Variants in DIPK1C observed in about 807,000 individuals in gnomAD.
DIPK1C encodes the protein familial non-conventional Alzheimer's dementia.
DIPK1C carries 33 observed loss-of-function variants against 28.0 expected under a neutral mutation model. The observed-to-expected ratio is 1.18, with a 90% CI of 0.89 to 1.58. DIPK1C has a LOEUF of 1.58. DIPK1C is among the 40% of genes most tolerant of loss of function. The pLI is 0.00. For missense variants in DIPK1C, 569 were observed against 568.5 expected (o/e 1.00, Z -0.01); for synonymous variants, 255 against 248.8 (o/e 1.02, Z -0.23).
At chr18:74,457,828 AGTCGGGG>A (rs1986554752), upstream of DIPK1C, 1 of 150,156 alleles carries the variant, frequency 6.7e-6, no homozygotes, top group African/African-American at 2.4e-5. Flanking sequence ...GCATGCAGAG[AGTCGGGG>A]GTCGAGGACA....
intron 3 of DIPK1C, 125 bp downstream of exon 3, chr18:74,441,827 C>T (rs954348404): frequency 2.9e-5 from 32 of 1,089,872 alleles, no homozygotes; most frequent in Non-Finnish European, 3.9e-5. Context: ...TTATTGACCA[C>T]ATCGATCCAG....
chr18:74,459,529 G>C (rs12606667), upstream of DIPK1C, among the ~76,000 whole-genome samples: 1 of 152,172 alleles, frequency 6.6e-6, no homozygotes, highest in African/African-American at 2.4e-5. Context: ...GTTTTGCCTA[G>C]GGCCCTGAAG....
At chr18:74,450,439 C>T (rs1986373036) in intron 1 of DIPK1C, among the ~76,000 whole-genome samples, 1 of 152,170 alleles carries the variant, frequency 6.6e-6, no homozygotes, top group South Asian at 2.1e-4. Flanking sequence ...CTTCAGAGTC[C>T]CACAGTGCTG....
chr18:74,444,043 T>C (rs1427466761), intron 2 of DIPK1C, among the ~76,000 whole-genome samples: 1 of 150,258 alleles, frequency 6.7e-6, no homozygotes, highest in African/African-American at 2.4e-5. Flanking sequence ...ATAAGAACAG[T>C]ATTAAAAAAA....
rs1599039307 is a variant in DIPK1C at position 74,447,582 on chromosome 18, G to A, written c.199-299C>T. Among the ~76,000 whole-genome samples, 1 of 152,194 alleles carries A rather than the reference G, an allele frequency of 6.6e-6. No homozygotes were observed. Among genetic ancestry groups the A allele is most frequent in the South Asian group, 2.1e-4 (1 of 4,826 alleles). Reference sequence around the variant, plus strand: ...TCCCATCGTTCAGCTGGGTGACTCCGGGAAAGCCAGAGGCCAGGAAACCAA... The same window carrying A: ...TCCCATCGTTCAGCTGGGTGACTCCAGGAAAGCCAGAGGCCAGGAAACCAA... On this transcript the variant is annotated intron_variant, in intron 1 of 3. Transcript: ENST00000343998. This position sits in a 1 kb window ranked among gnomAD's most constrained non-coding sequence, Gnocchi z 4.1.
At chr18:74,458,718 C>T (rs1267357928), upstream of DIPK1C, among the ~76,000 whole-genome samples, 1 of 149,212 alleles carries the variant, frequency 6.7e-6, no homozygotes, top group Non-Finnish European at 1.5e-5. Context: ...TCCATCCCAG[C>T]ACACGCCCAA....
chr18:74,445,632 C>G (rs1382209702), intron 2 of DIPK1C, among the ~76,000 whole-genome samples: 1 of 152,178 alleles, frequency 6.6e-6, no homozygotes, highest in African/African-American at 2.4e-5. Flanking sequence ...CTGAAGAGCA[C>G]GACCCCACCA....
intron 2 of DIPK1C, among the ~76,000 whole-genome samples, chr18:74,446,307 G>A (rs748376669): frequency 6.6e-6 from 1 of 152,210 alleles, no homozygotes; most frequent in Non-Finnish European, 1.5e-5. Context: ...TGTTACGTGA[G>A]CTCAAAGCAG....
At chr18:74,449,475 C>A (rs146996844) in intron 1 of DIPK1C, among the ~76,000 whole-genome samples, 1 of 152,236 alleles carries the variant, frequency 6.6e-6, no homozygotes, top group Admixed American at 6.5e-5. Context: ...AAAGAGGTAT[C>A]TAGATATTTT....
Position 74,436,435 on chromosome 18 carries a change from C to T in DIPK1C, c.*66G>A. ...CAGGGGAAATGGCTCATCTTTAAAA[C>T]AATGGCAGAAGAAATCCAGCCAAGG... On this transcript the variant is annotated 3_prime_UTR_variant, in exon 4 of 4. Transcript: ENST00000343998. 2.1e-6 allele frequency: 3 copies of T among 1,450,184 alleles called. No individual in the cohort carries two copies. The highest frequency in any genetic ancestry group is 2.8e-6 in the Non-Finnish European group (3 of 1,078,332). 89.8% of individuals were successfully genotyped at this position (1,450,184 alleles called of 1,614,324 possible). A position where few individuals can be genotyped will look rare whatever the true frequency, so the allele number is the denominator to read the frequency against.
rs1237355797 is a variant in DIPK1C, at chr18:74,436,517, T to C, written c.1244A>G (p.Gln415Arg). ...AGAGAGTGGCTACTTCTCTGCCTCC[T>C]GCAGCTCCCTCAGTGTGGCTTGGAG... ...QLLQATLREL[Q>R]EAEK Residue 415 changes from glutamine to arginine, a missense_variant, in exon 4 of 4, where the codon CAG becomes CGG. Coordinates refer to ENST00000343998, the MANE Select transcript of DIPK1C (RefSeq NM_001044369.3). 1.2e-6 allele frequency: 2 copies of C among 1,605,506 alleles called. No homozygotes were observed. Among genetic ancestry groups the C allele is most frequent in the South Asian group, 1.1e-5 (1 of 89,558 alleles).
Position 74,436,483 on chromosome 18 carries a change from T to A in DIPK1C, c.*18A>T. On this transcript the variant is annotated 3_prime_UTR_variant, in exon 4 of 4. Coordinates refer to ENST00000343998, the MANE Select transcript of DIPK1C (RefSeq NM_001044369.3). ...AGGTCACTTTTCCTGTGTGAGCATG[T>A]TTAAGGCCAGAGAGTGGCTACTTCT... is the stretch of plus-strand genomic sequence containing the variant. 6.3e-7 allele frequency: 1 copy of A among 1,575,214 alleles called. No homozygotes were observed. The highest frequency in any genetic ancestry group is 8.6e-7 in the Non-Finnish European group (1 of 1,160,790).
chr18:74,441,028 C>T (rs917444113), intron 3 of DIPK1C, among the ~76,000 whole-genome samples: 4 of 152,166 alleles, frequency 2.6e-5, no homozygotes, highest in African/African-American at 9.7e-5. Flanking sequence ...AGGTTAACAG[C>T]GGACCTGTCC....
At chr18:74,449,078 C>T (rs1243390206) in intron 1 of DIPK1C, among the ~76,000 whole-genome samples, 2 of 151,810 alleles carry the variant, frequency 1.3e-5, no homozygotes, top group Admixed American at 6.6e-5. Flanking sequence ...CACTGCACTC[C>T]AGCCTGGGCA....
chr18:74,447,103 G>C lies in DIPK1C; in HGVS notation c.379C>G (p.Pro127Ala). ...GCCTCCTCTTCCAACAGGCTGAGGG[G>C]CGGGAAGCTGGAGAAGGCCTCCTCC... ...SKEEAFSSFP[P>A]LSLLEEEAGE... The change falls in exon 2 of 4, where the codon CCC becomes GCC. Residue 127 changes from proline (P) to alanine (A), a missense_variant. Transcript: ENST00000343998. This position sits in a 1 kb window ranked among gnomAD's most constrained non-coding sequence, Gnocchi z 4.1. 1 of 1,550,554 alleles carries C rather than the reference G, an allele frequency of 6.4e-7. No homozygotes were observed.
upstream of DIPK1C, among the ~76,000 whole-genome samples, chr18:74,461,268 G>A (rs145618430): frequency 3.5e-4 from 53 of 152,232 alleles, no homozygotes; most frequent in Admixed American, 5.2e-4. Context: ...CTGCCTGTAG[G>A]ATGAGAGGTT....
chr18:74,434,903 CTG>C lies in DIPK1C; in HGVS notation c.*1596_*1597del, dbSNP rs1288521883. 2 of 152,210 alleles carry C rather than the reference CTG, an allele frequency of 1.3e-5. No homozygotes were observed. The highest frequency in any genetic ancestry group is 2.9e-5 in the Non-Finnish European group (2 of 68,050). 9.4% of individuals were successfully genotyped at this position (152,210 alleles called of 1,614,324 possible). A position where few individuals can be genotyped will look rare whatever the true frequency, so the allele number is the denominator to read the frequency against. On this transcript the variant is annotated 3_prime_UTR_variant, in exon 4 of 4. Coordinates refer to ENST00000343998, the MANE Select transcript of DIPK1C (RefSeq NM_001044369.3). ...TGATGAGGAGGCCCTCTATGGAACT[CTG>C]TGTCATTTGGAAGATCCCCAGTGGT...
At chr18:74,460,068 G>A (rs1164009387), upstream of DIPK1C, among the ~76,000 whole-genome samples, 1 of 152,184 alleles carries the variant, frequency 6.6e-6, no homozygotes, top group Non-Finnish European at 1.5e-5. Context: ...GAGATGGCCA[G>A]GCTCTGAGGA....
chr18:74,447,213 A>AC lies in DIPK1C; in HGVS notation c.268_269insG (p.Leu90ArgfsTer166). The AC allele has an allele frequency of 6.5e-7, 1 of 1,550,086 alleles. No homozygotes were observed. The highest frequency in any genetic ancestry group is 2.4e-5 in the East Asian group (1 of 40,900). Reference sequence around the variant, plus strand: ...GTTGTAGTGCAGGCAGCGTTGGAACAGCAGCTCTCCCGCCACACACAGGTC... The same window carrying AC: ...GTTGTAGTGCAGGCAGCGTTGGAACACGCAGCTCTCCCGCCACACACAGGTC... On this transcript the variant is annotated frameshift_variant, in exon 2 of 4. Coordinates refer to ENST00000343998, the MANE Select transcript of DIPK1C (RefSeq NM_001044369.3). LOFTEE classifies it high-confidence loss of function. The surrounding 1 kb of genome is among the most constrained non-coding windows in gnomAD (Gnocchi z 4.1).
Sources: allele counts gnomAD v4.1 joint callset (sites outside exome capture counted in the v4.1 genomes callset), GRCh38; gene constraint gnomAD v4.1.1; non-coding constraint Gnocchi (gnomAD v3.1); transcripts MANE v1.5; gene names NCBI Gene and HGNC (gene_info 2026-07-23, HGNC 2026-07-21).